ACBD5: variants seen among roughly 807,000 people sequenced by gnomAD.
ACBD5 encodes the protein acyl-CoA-binding domain-containing protein 5.
ACBD5 carries 40 observed loss-of-function variants against 71.8 expected under a neutral mutation model. The observed-to-expected ratio is 0.56, with a 90% CI of 0.43 to 0.72. The LOEUF (loss-of-function observed/expected upper bound fraction) is 0.72, where lower values mean the gene tolerates loss of function less well. ACBD5 is among the 30% of genes least tolerant of loss of function. ACBD5 has a pLI of 0.00. For missense variants in ACBD5, 559 were observed against 644.5 expected, an observed-to-expected ratio of 0.87 and a Z score of 1.44; for synonymous variants, 229 against 218.6, an observed-to-expected ratio of 1.05 and a Z score of -0.42.
chr10:27,230,997 T>A (rs910945967), intron 4 of ACBD5, among the ~76,000 whole-genome samples: 15 of 152,174 alleles, frequency 9.9e-5, no homozygotes, highest in African/African-American at 3.6e-4. Context: ...CAGAAAAATG[T>A]GACTTCTTAC....
chr10:27,221,917 C>CAAAAAAAAAAAA (rs56253187), intron 5 of ACBD5, among the ~76,000 whole-genome samples: 2 of 77,140 alleles, frequency 2.6e-5, no homozygotes, highest in African/African-American at 5.0e-5. Flanking sequence ...GACTCCATCT[C>CAAAAAAAAAAAA]AAAAAAAAAA....
At chr10:27,235,336 T>C (rs750924700) in intron 2 of ACBD5, 124 bp from the exon 3 acceptor site, 4 of 1,243,316 alleles carry the variant, frequency 3.2e-6, no homozygotes, top group Non-Finnish European at 4.6e-6. Context: ...AATGATTTAT[T>C]TCTAGCTTAT....
chr10:27,204,915 C>T (rs1275611789), intron 11 of ACBD5, among the ~76,000 whole-genome samples: 2 of 152,136 alleles, frequency 1.3e-5, no homozygotes, highest in African/African-American at 2.4e-5. Context: ...ATCACGAGGT[C>T]AGGAGATCGA....
intron 12 of ACBD5, among the ~76,000 whole-genome samples, chr10:27,200,874 G>A (rs4747588): frequency 0.62 from 94,163 of 151,918 alleles, 29,500 homozygotes; most frequent in Non-Finnish European, 0.67. Context: ...CCCCTTTCTT[G>A]TAACAATAAT....
intron 9 of ACBD5, 31 bp from the exon 10 acceptor site, chr10:27,208,476 TAAATA>T (rs755655512): frequency 6.2e-7 from 1 of 1,601,944 alleles, no homozygotes; most frequent in African/African-American, 1.3e-5. Context: ...AAGCTTGTTT[TAAATA>T]ATTCTTATAC....
At position 27,240,677 on chromosome 10, in the gene ACBD5, G is replaced by C. The variant is rs1438497581; in HGVS notation, c.12C>G (p.Leu4=). 1 of 1,551,082 alleles carries C rather than the reference G, an allele frequency of 6.4e-7. No individual in the cohort carries two copies. Among genetic ancestry groups the C allele is most frequent in the Non-Finnish European group, 8.7e-7 (1 of 1,146,996 alleles). The stretch of plus-strand genomic sequence containing the variant: ...CGACGACAGCAAAACAACTCACCGA[G>C]AGGAAGAGCATGTCTAGCAGAAGAC... The part of the protein sequence containing the change: MLF[L]SFHAGSWESW... Residue 4 remains leucine (L), a synonymous_variant, in exon 1 of 13, where the codon CTC becomes CTG. Transcript: ENST00000396271. The surrounding 1 kb of genome is among the most constrained non-coding windows in gnomAD (Gnocchi z 4.1).
Position 27,210,031 on chromosome 10 carries a change from G to T in ACBD5, c.1204+783C>A, listed in dbSNP as rs973996762. On this transcript the variant is annotated intron_variant, in intron 9 of 12. Coordinates refer to ENST00000396271, the MANE Select transcript of ACBD5 (RefSeq NM_145698.5). ...CAGATTCCAAAAAGAATCATTACTG[G>T]ATTAAAGGATAACAACTGGGTCAAG... Among the ~76,000 whole-genome samples the T allele has an allele frequency of 1.1e-4, 17 of 152,250 alleles. No individual in the cohort carries two copies. In the East Asian group the frequency reaches 3.3e-3, roughly 29 times the overall value.
intron 12 of ACBD5, among the ~76,000 whole-genome samples, chr10:27,198,261 C>T (rs2059559092): frequency 6.6e-6 from 1 of 152,080 alleles, no homozygotes; most frequent in South Asian, 2.1e-4. Context: ...GAGGAAGAGG[C>T]ATATAAATCC....
At chr10:27,238,031 C>G (rs542450561) in intron 2 of ACBD5, among the ~76,000 whole-genome samples, 1 of 152,022 alleles carries the variant, frequency 6.6e-6, no homozygotes, top group African/African-American at 2.4e-5. Context: ...CTGCAAGCTC[C>G]GCCTCCCGGG....
rs776220825 is a variant in ACBD5 at position 27,197,346 on chromosome 10, A to G, written c.*84T>C. The G allele has an allele frequency of 3.0e-6, 4 of 1,332,766 alleles. No homozygotes were observed. In the Admixed American group the frequency reaches 6.9e-5, roughly 23 times the overall value. The allele number at this position is 1,332,766 out of a possible 1,614,324, so 82.6% of individuals were successfully genotyped here. On this transcript the variant is annotated 3_prime_UTR_variant, in exon 13 of 13. Transcript: ENST00000396271. ...AAAAGCAATGTAATCATCACAAACTAAGATTTTCTTGTGAACACCACAATC... is the reference window on the plus strand; with the variant it reads ...AAAAGCAATGTAATCATCACAAACTGAGATTTTCTTGTGAACACCACAATC...
intron 8 of ACBD5, among the ~76,000 whole-genome samples, 165 bp downstream of exon 8, chr10:27,215,370 A>G (rs2061512199): frequency 6.6e-6 from 1 of 152,104 alleles, no homozygotes; most frequent in African/African-American, 2.4e-5. Flanking sequence ...AATTTTACCT[A>G]TTTTTGAATT....
At chr10:27,241,798 A>G (rs1031123192), upstream of ACBD5, among the ~76,000 whole-genome samples, 2 of 152,066 alleles carry the variant, frequency 1.3e-5, no homozygotes, top group Non-Finnish European at 2.9e-5. Context: ...TCAACCCTAG[A>G]AAGGGGGTGC....
At chr10:27,216,709 C>A (rs560558329) in intron 7 of ACBD5, among the ~76,000 whole-genome samples, 5 of 152,212 alleles carry the variant, frequency 3.3e-5, no homozygotes, top group Admixed American at 1.3e-4. Context: ...GAAAAGATTA[C>A]AAAATATTTT....
intron 12 of ACBD5, among the ~76,000 whole-genome samples, chr10:27,198,326 A>G (rs2059567348): frequency 6.6e-6 from 1 of 152,204 alleles, no homozygotes; most frequent in Non-Finnish European, 1.5e-5. Context: ...TGAATGAGCT[A>G]TCAGAAAAGG....
chr10:27,191,486 T>A (rs1336787997), downstream of ACBD5, among the ~76,000 whole-genome samples: 1 of 152,110 alleles, frequency 6.6e-6, no homozygotes, highest in African/African-American at 2.4e-5. Context: ...CTCCACCAGA[T>A]GTTGACGGTG....
chr10:27,239,762 T>C (rs1365331344), intron 2 of ACBD5, among the ~76,000 whole-genome samples: 4 of 132,184 alleles, frequency 3.0e-5, no homozygotes, highest in Non-Finnish European at 6.7e-5. Flanking sequence ...TGTTTGTTTG[T>C]TTGAGATGGA....
intron 4 of ACBD5, among the ~76,000 whole-genome samples, chr10:27,226,186 A>C (rs2062985384): frequency 6.6e-6 from 1 of 152,014 alleles, no homozygotes; most frequent in South Asian, 2.1e-4. Flanking sequence ...CAGAGGGTAC[A>C]TGTGCAGGTT....
Position 27,205,218 on chromosome 10 carries a change from C to A in ACBD5, c.1435G>T (p.Ala479Ser), listed in dbSNP as rs201036937. 2.1e-4 allele frequency: 331 copies of A among 1,612,790 alleles called. No homozygotes were observed. The highest frequency in any genetic ancestry group is 2.5e-4 in the Non-Finnish European group (292 of 1,179,480). The change falls in exon 11 of 13, where the codon GCT becomes TCT. Residue 479 changes from alanine (A) to serine (S), a missense_variant. Ala to Ser is a moderately conservative substitution (Grantham distance 99). Coordinates refer to ENST00000396271, the MANE Select transcript of ACBD5 (RefSeq NM_145698.5). The stretch of plus-strand genomic sequence containing the variant: ...CTTACCTGTGAGGTGGGCTGAGGAG[C>A]AGTCTGCAATGTTGATGTTGATGAT... ...AKSSTSTLQT[A>S]PQPTSQRPSW...
Position 27,233,421 on chromosome 10 carries a change from G to A in ACBD5, c.303-1601C>T, listed in dbSNP as rs374123866. On this transcript the variant is annotated intron_variant, in intron 3 of 12. Transcript: ENST00000396271. ...AGCCTGGGCGACAGAGTGAGACTCC[G>A]TCTGAAGAAAAAAAAAAAAAAAAAC... Among the ~76,000 whole-genome samples, 331 of 103,364 alleles carry A rather than the reference G, an allele frequency of 3.2e-3. 2 individuals are homozygous for A. The highest frequency in any genetic ancestry group is 0.013 in the African/African-American group (312 of 23,854). 67.8% of individuals were successfully genotyped at this position (103,364 alleles called of 152,430 possible). A position where few individuals can be genotyped will look rare whatever the true frequency, so the allele number is the denominator to read the frequency against.
Sources: gnomAD v4.1 joint callset for allele counts (sites outside exome capture counted in the v4.1 genomes callset) on GRCh38, gnomAD v4.1.1 for gene constraint, Gnocchi (gnomAD v3.1) non-coding constraint, MANE v1.5 for transcripts, NCBI Gene and HGNC (gene_info 2026-07-23, HGNC 2026-07-21) for gene names.